RNF19B: variants seen among roughly 807,000 people sequenced by gnomAD.
RNF19B encodes E3 ubiquitin-protein ligase RNF19B.
RNF19B carries 23 observed loss-of-function variants against 65.5 expected under a neutral mutation model. The observed-to-expected ratio is 0.35, with a 90% confidence interval of 0.25 to 0.50. The LOEUF (loss-of-function observed/expected upper bound fraction) is 0.50. Ranked by LOEUF, RNF19B falls within the 20% of genes least tolerant of loss-of-function variation. The probability of loss-of-function intolerance (pLI) is 0.98; values close to 1 mark genes in which losing one functional copy is unlikely to be tolerated. For missense variants in RNF19B, 794 were observed against 980.0 expected (o/e 0.81, Z 2.53); for synonymous variants, 372 against 379.6 (o/e 0.98, Z 0.23).
At position 32,943,983 on chromosome 1, in the gene RNF19B, A is replaced by G. The variant is rs190925118; in HGVS notation, c.1402+36T>C. The G allele has an allele frequency of 4.2e-5, 66 of 1,581,460 alleles. No individual in the cohort carries two copies. The Admixed American group carries it at 9.8e-4, about 23-fold the overall frequency. ...TTTACTGATTTTTATCTTGTATATC[A>G]TAAATTCAAATGGAAATAAACATCC... On this transcript the variant is annotated intron_variant, in intron 6 of 8. Transcript: ENST00000235150.
intron 3 of RNF19B, among the ~76,000 whole-genome samples, chr1:32,946,995 C>A (rs138315372): frequency 0.013 from 2,023 of 152,302 alleles, 15 homozygotes; most frequent in Non-Finnish European, 0.02. Flanking sequence ...ATAGATACTG[C>A]AAACCATGTT....
the RNF19B span, among the ~76,000 whole-genome samples, chr1:32,931,187 A>G: frequency 6.6e-6 from 1 of 152,168 alleles, no homozygotes; most frequent in Non-Finnish European, 1.5e-5. Flanking sequence ...AAATAAATGT[A>G]TATTCCTATC....
chr1:32,952,904 TTCTG>T (rs1451970912), intron 1 of RNF19B, among the ~76,000 whole-genome samples: 2 of 151,458 alleles, frequency 1.3e-5, no homozygotes, highest in Non-Finnish European at 2.9e-5. Flanking sequence ...CAGAGTGAGA[TTCTG>T]TCTAAAAAAA....
intron 3 of RNF19B, 151 bp downstream of exon 3, chr1:32,948,071 T>C (rs990505947): frequency 2.9e-6 from 2 of 698,090 alleles, no homozygotes; most frequent in African/African-American, 1.8e-5. Flanking sequence ...TAGTAGCTGG[T>C]GAAAACATGA....
chr1:32,939,545 A>G (rs1476786690), intron 7 of RNF19B, among the ~76,000 whole-genome samples: 1 of 152,142 alleles, frequency 6.6e-6, no homozygotes, highest in African/African-American at 2.4e-5. Context: ...ACTCATACAC[A>G]CTTTACCTTC....
Position 32,964,783 on chromosome 1 carries a change from C to T in RNF19B, c.-98G>A, listed in dbSNP as rs1015161085. ...GCCCGGCCGCCGCCGACGCCGCCAC[C>T]ACCGCCTCAACCGCCCTCCCGGCGA... is the stretch of plus-strand genomic sequence containing the variant. On this transcript the variant is annotated 5_prime_UTR_variant, in exon 1 of 9. Coordinates refer to ENST00000235150, the MANE Select transcript of RNF19B (RefSeq NM_001300826.2). This position sits in a 1 kb window ranked among gnomAD's most constrained non-coding sequence, Gnocchi z 6.5. The T allele has an allele frequency of 2.3e-5, 27 of 1,159,598 alleles. No individual in the cohort carries two copies. The highest frequency in any genetic ancestry group is 2.5e-5 in the Non-Finnish European group (23 of 906,760). The allele number at this position is 1,159,598 out of a possible 1,614,324, so 71.8% of individuals were successfully genotyped here. A position where few individuals can be genotyped will look rare whatever the true frequency, so the allele number is the denominator to read the frequency against.
chr1:32,957,590 T>G (rs750559738), intron 1 of RNF19B, among the ~76,000 whole-genome samples: 17 of 152,082 alleles, frequency 1.1e-4, no homozygotes, highest in Non-Finnish European at 2.2e-4. Context: ...TCCCAGCACT[T>G]TGGGAGGGTG....
chr1:32,949,893 A>G lies in RNF19B; in HGVS notation c.636-119T>C. On this transcript the variant is annotated intron_variant, in intron 1 of 8. Coordinates refer to ENST00000235150, the MANE Select transcript of RNF19B (RefSeq NM_001300826.2). ...CCCACTATCACATATGATACAGAGAAAAGAATACACATACACACATATACA... is the reference window on the plus strand; with the variant it reads ...CCCACTATCACATATGATACAGAGAGAAGAATACACATACACACATATACA... 4.2e-6 allele frequency: 3 copies of G among 716,026 alleles called. No individual in the cohort carries two copies. The South Asian group carries it at 5.1e-5, about 12-fold the overall frequency. 44.4% of individuals were successfully genotyped at this position (716,026 alleles called of 1,614,324 possible).
rs1031478793 is a variant in RNF19B, at chr1:32,937,217, T to C, written c.1785A>G (p.Lys595=). Residue 595 remains lysine, a synonymous_variant, in exon 9 of 9, where the codon AAA becomes AAG. Transcript: ENST00000235150. ...NMEIQVDIEA[K]PSHYQLVSGS... ...CACTCACCAGCTGATAGTGGCTTGG[T>C]TTGGCTTCAATGTCCACTTGGATTT... 2 of 1,613,996 alleles carry C rather than the reference T, an allele frequency of 1.2e-6. No homozygotes were observed. The highest frequency in any genetic ancestry group is 1.7e-5 in the Admixed American group (1 of 59,986).
At chr1:32,951,958 CT>C (rs34442939) in intron 1 of RNF19B, among the ~76,000 whole-genome samples, 30,999 of 123,130 alleles carry the variant, frequency 0.25, 3,388 homozygotes, top group East Asian at 0.31. Flanking sequence ...CCACGCCCGG[CT>C]TTTTTTTTTT....
chr1:32,945,626 A>C lies in RNF19B; in HGVS notation c.1149T>G (p.Ile383Met). The change falls in exon 5 of 9, where the codon ATT becomes ATG. Residue 383 changes from isoleucine to methionine, a missense_variant and splice_region_variant. Coordinates refer to ENST00000235150, the MANE Select transcript of RNF19B (RefSeq NM_001300826.2). ...IGIPVYVGRK[I>M]HSRYEGRKTS... ...TTTTCCTTCCCTCATACCTGCTGTG[A>C]ATCTAAGAATAAAAAAAGAAAATCC... The C allele has an allele frequency of 1.3e-6, 2 of 1,592,590 alleles. No homozygotes were observed. Among genetic ancestry groups the C allele is most frequent in the Non-Finnish European group, 1.7e-6 (2 of 1,160,644 alleles).
chr1:32,942,770 C>T (rs1642268064), intron 6 of RNF19B, among the ~76,000 whole-genome samples: 1 of 152,198 alleles, frequency 6.6e-6, no homozygotes, highest in East Asian at 1.9e-4. Flanking sequence ...ACTGTTGCTT[C>T]CATGTAACCA....
chr1:32,934,660 G>C (rs1307816287), downstream of RNF19B, among the ~76,000 whole-genome samples: 1 of 152,006 alleles, frequency 6.6e-6, no homozygotes. Flanking sequence ...CAGTCTGGGG[G>C]ACAGAGCCAG....
rs1035372999 is a variant in RNF19B, at chr1:32,964,380, G to A, written c.306C>T (p.Asp102=). Residue 102 remains aspartate, a synonymous_variant, in exon 1 of 9, where the codon GAC becomes GAT. Coordinates refer to ENST00000235150, the MANE Select transcript of RNF19B (RefSeq NM_001300826.2). This position sits in a 1 kb window ranked among gnomAD's most constrained non-coding sequence, Gnocchi z 6.5. ...CACCGCCCTCCGCCGCCTCCTCATCGTCGAACCCAGGCTCCGCCGCCGCCG... is the reference window on the plus strand; with the variant it reads ...CACCGCCCTCCGCCGCCTCCTCATCATCGAACCCAGGCTCCGCCGCCGCCG... ...AAAAAAEPGF[D]DEEAAEGGGP... The A allele has an allele frequency of 3.1e-5, 43 of 1,379,736 alleles. No homozygotes were observed. The African/African-American group carries it at 6.0e-4, about 19-fold the overall frequency. 85.5% of individuals were successfully genotyped at this position (1,379,736 alleles called of 1,614,324 possible).
chr1:32,930,440 C>T, the RNF19B span, among the ~76,000 whole-genome samples: 2 of 151,082 alleles, frequency 1.3e-5, no homozygotes, highest in East Asian at 2.0e-4. Context: ...GGGTCTAGCT[C>T]TGTTGCCCAG....
At chr1:32,953,946 T>C (rs1464727636) in intron 1 of RNF19B, among the ~76,000 whole-genome samples, 3 of 149,074 alleles carry the variant, frequency 2.0e-5, no homozygotes, top group African/African-American at 7.4e-5. Flanking sequence ...TTCACTCTTG[T>C]TGCCCAGGCT....
At chr1:32,951,494 A>G (rs1570106750) in intron 1 of RNF19B, among the ~76,000 whole-genome samples, 2 of 152,176 alleles carry the variant, frequency 1.3e-5, no homozygotes, top group South Asian at 2.1e-4. Context: ...AGCAAAGGAG[A>G]TGCTGGAGCT....
At chr1:32,952,720 G>A (rs1323697804) in intron 1 of RNF19B, among the ~76,000 whole-genome samples, 1 of 149,410 alleles carries the variant, frequency 6.7e-6, no homozygotes, top group African/African-American at 2.5e-5. Flanking sequence ...TGTCACTCCA[G>A]CCTGGGTGAC....
rs1225937853 is a variant in RNF19B, at chr1:32,953,464, T to C, written c.636-3690A>G. Among the ~76,000 whole-genome samples, 5 of 152,178 alleles carry C rather than the reference T, an allele frequency of 3.3e-5. 1 individual carries two copies. The highest frequency in any genetic ancestry group is 1.3e-4 in the Admixed American group (2 of 15,272). On this transcript the variant is annotated intron_variant, in intron 1 of 8. Transcript: ENST00000235150. ...TTGAATGTACATGAGATGTTAATCATAGCAACTCAAGTTCTCAGGTTTATC... is the reference window on the plus strand; with the variant it reads ...TTGAATGTACATGAGATGTTAATCACAGCAACTCAAGTTCTCAGGTTTATC...
Sources: allele counts gnomAD v4.1 joint callset (sites outside exome capture counted in the v4.1 genomes callset), GRCh38; gene constraint gnomAD v4.1.1; non-coding constraint Gnocchi (gnomAD v3.1); transcripts MANE v1.5; gene names NCBI Gene and HGNC (gene_info 2026-07-23, HGNC 2026-07-21).